Variants in NLGN4Y observed in about 807,000 individuals in gnomAD.
NLGN4Y encodes the protein neuroligin-4, Y-linked.
A neutral mutation model predicts 8.4 loss-of-function variants in NLGN4Y; 4 were observed. The observed-to-expected ratio is 0.48, with a 90% CI of 0.23 to 1.09. The LOEUF (loss-of-function observed/expected upper bound fraction) is 1.09. Ranked by LOEUF, NLGN4Y falls within the 50% of genes least tolerant of loss-of-function variation. The pLI, the probability that NLGN4Y is intolerant of heterozygous loss-of-function variation, is 0.19. For missense variants in NLGN4Y, 90 were observed against 192.3 expected (o/e 0.47, Z 3.15); for synonymous variants, 35 against 75.6 (o/e 0.46, Z 2.78).
intron 4 of NLGN4Y, chrY:14,803,970 G>A (rs2043048210): frequency 3.0e-5 from 1 of 33,185 alleles, no homozygotes; most frequent in African/African-American, 1.2e-4. Flanking sequence ...GTGTCCAGAT[G>A]TTGTTGAATT....
chrY:14,524,873 C>G, intron 1 of NLGN4Y, 165 bp downstream of exon 1: 2 of 122,059 alleles, frequency 1.6e-5, no homozygotes, highest in Non-Finnish European at 3.6e-5. Flanking sequence ...AGGCGGTCTC[C>G]TGGACGCCCT....
At chrY:14,674,363 G>T (rs2080740676) in intron 2 of NLGN4Y, among the ~76,000 whole-genome samples, 1 of 16,525 alleles carries the variant, frequency 6.1e-5, no homozygotes, top group Non-Finnish European at 1.2e-4. Flanking sequence ...TTTCCCCAAA[G>T]CTATGCAGCT....
chrY:14,705,406 A>G, intron 2 of NLGN4Y, among the ~76,000 whole-genome samples: 1 of 33,475 alleles, frequency 3.0e-5, no homozygotes, highest in Non-Finnish European at 7.4e-5. Flanking sequence ...TATAGCCAAG[A>G]GGCACCTAAG....
chrY:14,639,351 C>A, intron 2 of NLGN4Y: 1 of 165,231 alleles, frequency 6.1e-6, no homozygotes, highest in Non-Finnish European at 1.2e-5. Context: ...AAATGCTGCC[C>A]TGATTTTACA....
At chrY:14,643,327 C>T (rs1199246000) in intron 2 of NLGN4Y, among the ~76,000 whole-genome samples, 1 of 32,918 alleles carries the variant, frequency 3.0e-5, no homozygotes, top group Non-Finnish European at 7.4e-5. Context: ...GCTTCATGGA[C>T]GAGACTAACT....
chrY:14,767,148 G>T (rs2081095765), intron 4 of NLGN4Y, among the ~76,000 whole-genome samples: 1 of 32,632 alleles, frequency 3.1e-5, no homozygotes, highest in South Asian at 6.6e-4. Context: ...TTGCAGCTTT[G>T]TGATAATCCC....
At chrY:14,573,213 A>T in intron 1 of NLGN4Y, among the ~76,000 whole-genome samples, 1 of 33,342 alleles carries the variant, frequency 3.0e-5, no homozygotes, top group African/African-American at 1.2e-4. Context: ...TCGGCTGTGA[A>T]TCCATCTGGT....
chrY:14,628,988 T>A (rs1603501664), intron 2 of NLGN4Y, among the ~76,000 whole-genome samples: 1 of 32,535 alleles, frequency 3.1e-5, no homozygotes, highest in South Asian at 7.0e-4. Context: ...TTTGTATAAA[T>A]AAAAAATTTA....
At chrY:14,553,292 A>G (rs2080200878) in intron 1 of NLGN4Y, among the ~76,000 whole-genome samples, 1 of 33,534 alleles carries the variant, frequency 3.0e-5, no homozygotes, top group Non-Finnish European at 7.4e-5. Context: ...CAAATGGAAG[A>G]ACATTCCATA....
At chrY:14,761,853 C>T (rs992237898) in intron 4 of NLGN4Y, among the ~76,000 whole-genome samples, 1 of 34,122 alleles carries the variant, frequency 2.9e-5, no homozygotes, top group Non-Finnish European at 7.3e-5. Context: ...ATCATCTTTA[C>T]AGGTAAAAAT....
intron 2 of NLGN4Y, among the ~76,000 whole-genome samples, chrY:14,650,685 A>AT: frequency 3.1e-5 from 1 of 32,450 alleles, no homozygotes; most frequent in Non-Finnish European, 7.5e-5. Flanking sequence ...GAAACAAGGT[A>AT]TTTTTTCCCA....
chrY:14,623,880 A>G (rs2080519647), intron 2 of NLGN4Y, among the ~76,000 whole-genome samples: 1 of 33,378 alleles, frequency 3.0e-5, no homozygotes. Context: ...GGTTTCTAGA[A>G]TATTGCCCTT....
At chrY:14,792,864 G>C in intron 4 of NLGN4Y, among the ~76,000 whole-genome samples, 2 of 22,373 alleles carry the variant, frequency 8.9e-5, no homozygotes, top group Non-Finnish European at 2.0e-4. Context: ...GTGTGTGTGT[G>C]TGTGTGTGTG....
intron 4 of NLGN4Y, among the ~76,000 whole-genome samples, chrY:14,815,056 C>T: frequency 3.1e-5 from 1 of 32,419 alleles, no homozygotes; most frequent in African/African-American, 1.2e-4. Flanking sequence ...GGGAGGCAGA[C>T]GTAGGTTCAA....
chrY:14,833,386 G>A (rs371639554), intron 6 of NLGN4Y, among the ~76,000 whole-genome samples: 1 of 33,936 alleles, frequency 2.9e-5, no homozygotes, highest in Admixed American at 2.6e-4. Context: ...AATCACAAGC[G>A]TATTGATTGG....
chrY:14,536,351 A>T, intron 1 of NLGN4Y, among the ~76,000 whole-genome samples: 4 of 24,262 alleles, frequency 1.6e-4, no homozygotes, highest in Non-Finnish European at 2.6e-4. Flanking sequence ...GGTTCATGCC[A>T]TTCTCCTGCC....
chrY:14,694,549 A>C, intron 2 of NLGN4Y, among the ~76,000 whole-genome samples: 1 of 33,427 alleles, frequency 3.0e-5, no homozygotes, highest in African/African-American at 1.2e-4. Context: ...ATTGTGCACT[A>C]TCTGAATGAT....
At chrY:14,593,832 T>A in intron 1 of NLGN4Y, among the ~76,000 whole-genome samples, 1 of 33,501 alleles carries the variant, frequency 3.0e-5, no homozygotes, top group East Asian at 7.9e-4. Flanking sequence ...GTCCTTCCAA[T>A]GCCCAGACTT....
chrY:14,628,054 A>G (rs2080535135), intron 2 of NLGN4Y, among the ~76,000 whole-genome samples: 1 of 32,364 alleles, frequency 3.1e-5, no homozygotes, highest in African/African-American at 1.2e-4. Flanking sequence ...GCAGTGACCC[A>G]AGATTACACC....
Sources: allele counts gnomAD v4.1 joint callset (sites outside exome capture counted in the v4.1 genomes callset), GRCh38; gene constraint gnomAD v4.1.1; transcripts MANE v1.5; gene names NCBI Gene and HGNC (gene_info 2026-07-23, HGNC 2026-07-21).